WWOX: variants seen among roughly 807,000 people sequenced by gnomAD.
WWOX encodes WW domain containing oxidoreductase.
A neutral mutation model predicts 46.2 loss-of-function variants in WWOX; 69 were observed. That is an observed-to-expected ratio of 1.49 (90% CI 1.23 to 1.82). The LOEUF is 1.82. Among genes scored for constraint, WWOX ranks in the 40% most tolerant of loss-of-function variants. WWOX has a pLI of 0.00. For synonymous variants in WWOX, 359 were observed against 202.6 expected (o/e 1.77, Z -6.56); for missense variants, 919 against 542.6 (o/e 1.69, Z -6.89).
chr16:78,899,191 G>A (rs2044768834), intron 8 of WWOX: 2 of 152,118 alleles, frequency 1.3e-5, no homozygotes, highest in Non-Finnish European at 2.9e-5. Context: ...TGTGATGCTA[G>A]TTGTATGTTT....
chr16:78,527,146 A>G (rs545803758), intron 8 of WWOX, among the ~76,000 whole-genome samples: 1 of 152,154 alleles, frequency 6.6e-6, no homozygotes, highest in Non-Finnish European at 1.5e-5. Flanking sequence ...CTGGGCAAAA[A>G]GAGCGGGGTA....
At chr16:79,049,661 C>T (rs575025736) in intron 8 of WWOX, among the ~76,000 whole-genome samples, 1 of 152,138 alleles carries the variant, frequency 6.6e-6, no homozygotes, top group East Asian at 1.9e-4. Context: ...GATGGCGAAA[C>T]CCCGTCTCTA....
intron 8 of WWOX, among the ~76,000 whole-genome samples, chr16:79,117,308 C>T (rs971383847): frequency 7.2e-5 from 11 of 152,126 alleles, no homozygotes; most frequent in African/African-American, 2.7e-4. Flanking sequence ...CACACTGGAC[C>T]AAGCAGAATA....
Position 78,115,104 on chromosome 16 carries a change from G to T in WWOX, c.359G>T (p.Arg120Leu). The T allele has an allele frequency of 6.2e-7, 1 of 1,614,162 alleles. No individual in the cohort carries two copies. Among genetic ancestry groups the T allele is most frequent in the South Asian group, 1.1e-5 (1 of 91,076 alleles). The change falls in exon 4 of 9, where the codon CGG (arginine) becomes CTG (leucine). Residue 120 changes from arginine to leucine, a missense_variant. Physicochemically the swap from Arg to Leu is moderately radical, Grantham distance 102 (BLOSUM62 -2). Transcript: ENST00000566780. ...STTAMEILQGRDFTGKVVVVT... is the reference protein window; with the variant it reads ...STTAMEILQGLDFTGKVVVVT... ...ACTGCCATGGAAATTCTCCAGGGCC[G>T]GGATTTCACTGGCAAAGTGGTTGTG...
intron 8 of WWOX, among the ~76,000 whole-genome samples, chr16:78,979,603 T>G (rs1200652399): frequency 6.6e-6 from 1 of 152,116 alleles, no homozygotes; most frequent in Non-Finnish European, 1.5e-5. Context: ...GAGAGTCAAA[T>G]GGGAGTTTCT....
At chr16:78,758,927 C>T (rs866283145) in intron 8 of WWOX, among the ~76,000 whole-genome samples, 5 of 148,932 alleles carry the variant, frequency 3.4e-5, no homozygotes, top group Non-Finnish European at 7.4e-5. Context: ...TTAAAAAAAA[C>T]CACAAAAGAC....
chr16:79,053,649 A>G (rs1012113562), intron 8 of WWOX, among the ~76,000 whole-genome samples: 6 of 152,234 alleles, frequency 3.9e-5, no homozygotes, highest in Non-Finnish European at 7.3e-5. Flanking sequence ...TTTAAATAAC[A>G]AAACAACTTT....
intron 4 of WWOX, among the ~76,000 whole-genome samples, chr16:78,155,627 A>G (rs2034572229): frequency 2.0e-5 from 3 of 152,224 alleles, no homozygotes; most frequent in African/African-American, 7.2e-5. Flanking sequence ...TATTCTTCCG[A>G]ACACACTCTT....
chr16:78,197,627 C>G (rs140625649), intron 5 of WWOX, among the ~76,000 whole-genome samples: 1 of 152,138 alleles, frequency 6.6e-6, no homozygotes, highest in Admixed American at 6.5e-5. Context: ...CAGTTTTCAT[C>G]CTAAGGAGAG....
chr16:78,825,523 G>A (rs1208902331), intron 8 of WWOX: 5 of 515,848 alleles, frequency 9.7e-6, no homozygotes, highest in African/African-American at 1.9e-5. Flanking sequence ...TTCCCACAGG[G>A]CATTGTAGAG....
intron 5 of WWOX, among the ~76,000 whole-genome samples, chr16:78,372,950 G>T (rs993831828): frequency 1.3e-5 from 2 of 152,130 alleles, no homozygotes; most frequent in Non-Finnish European, 2.9e-5. Flanking sequence ...ATGCTACTGG[G>T]CTGAATTATT....
At chr16:78,545,733 C>A (rs1004854110) in intron 8 of WWOX, among the ~76,000 whole-genome samples, 1 of 152,148 alleles carries the variant, frequency 6.6e-6, no homozygotes, top group African/African-American at 2.4e-5. Context: ...TCTCACAGTT[C>A]TGGAGGCTGG....
intron 8 of WWOX, among the ~76,000 whole-genome samples, chr16:79,122,494 T>G (rs548922127): frequency 6.6e-6 from 1 of 151,952 alleles, no homozygotes; most frequent in Non-Finnish European, 1.5e-5. Context: ...GCTATTTCCT[T>G]TCTTTCTTTT....
Position 78,104,474 on chromosome 16 carries a change from A to G in WWOX, c.108-3949A>G, listed in dbSNP as rs553771830. ...GGCTATGATTGCATCACTGTACTCTAGCCTGGGCCACAGAATGAGACCTTG... is the reference window on the plus strand; with the variant it reads ...GGCTATGATTGCATCACTGTACTCTGGCCTGGGCCACAGAATGAGACCTTG... On this transcript the variant is annotated intron_variant, in intron 1 of 8. Transcript: ENST00000566780. 3.6e-3 allele frequency among the ~76,000 whole-genome samples: 552 copies of G among 152,286 alleles called. 4 individuals are homozygous for G. The highest frequency in any genetic ancestry group is 0.013 in the African/African-American group (539 of 41,556).
At position 78,341,388 on chromosome 16, in the gene WWOX, T is replaced by A. The variant is rs1268369138; in HGVS notation, c.517-45472T>A. Among the ~76,000 whole-genome samples the A allele has an allele frequency of 2.5e-5, 3 of 121,262 alleles. 1 individual carries two copies. Among genetic ancestry groups the A allele is most frequent in the African/African-American group, 8.4e-5 (3 of 35,866 alleles). 79.6% of individuals were successfully genotyped at this position (121,262 alleles called of 152,430 possible). A position where few individuals can be genotyped will look rare whatever the true frequency, so the allele number is the denominator to read the frequency against. On this transcript the variant is annotated intron_variant, in intron 5 of 8. Transcript: ENST00000566780. ...GCAGTTACTGCTGTTTTAGTGTGAT[T>A]TGGGATGAAAATTTTAAAAAATCAA...
At chr16:78,559,775 C>A (rs1241150874) in intron 8 of WWOX, among the ~76,000 whole-genome samples, 1 of 152,160 alleles carries the variant, frequency 6.6e-6, no homozygotes, top group Admixed American at 6.5e-5. Flanking sequence ...GAATGTATTG[C>A]AGAAATGGAC....
chr16:78,756,864 A>T, intron 8 of WWOX: 1 of 701,626 alleles, frequency 1.4e-6, no homozygotes. Flanking sequence ...TGCAGACATC[A>T]GAGCATGTGA....
chr16:78,277,771 G>A (rs866949631), intron 5 of WWOX, among the ~76,000 whole-genome samples: 4 of 152,104 alleles, frequency 2.6e-5, no homozygotes, highest in Non-Finnish European at 5.9e-5. Flanking sequence ...GATTCCCCCC[G>A]GGTGTGAAGG....
At position 78,224,008 on chromosome 16, in the gene WWOX, C is replaced by A. The variant is rs141578602; in HGVS notation, c.516+59719C>A. On this transcript the variant is annotated intron_variant, in intron 5 of 8. Transcript: ENST00000566780. ...CAAAGGTGGCATCAACTTTATCTTT[C>A]CTTCTTTTTTTTGAGACTGGAGTCT... Among the ~76,000 whole-genome samples the A allele has an allele frequency of 2.9e-3, 438 of 152,160 alleles. 1 individual carries two copies. The highest frequency in any genetic ancestry group is 9.1e-3 in the African/African-American group (376 of 41,530).
Sources: gnomAD v4.1 joint callset for allele counts (sites outside exome capture counted in the v4.1 genomes callset) on GRCh38, gnomAD v4.1.1 for gene constraint, MANE v1.5 for transcripts, NCBI Gene and HGNC (gene_info 2026-07-23, HGNC 2026-07-21) for gene names.